ROCK1: variants seen among roughly 807,000 people sequenced by gnomAD.
ROCK1 encodes rho-associated protein kinase 1.
A neutral mutation model predicts 196.8 loss-of-function variants in ROCK1; 36 were observed. The observed-to-expected ratio is 0.18, with a 90% CI of 0.14 to 0.24. The LOEUF (loss-of-function observed/expected upper bound fraction) is 0.24. Among genes scored for constraint, ROCK1 ranks in the 10% least tolerant of loss-of-function variants. ROCK1 has a pLI of 1.00. For synonymous variants in ROCK1, 443 were observed against 515.9 expected, an observed-to-expected ratio of 0.86 and a Z score of 1.91; for missense variants, 920 against 1,562.0, an observed-to-expected ratio of 0.59 and a Z score of 6.93.
At chr18:21,035,301 G>A (rs939625354) in intron 9 of ROCK1, among the ~76,000 whole-genome samples, 3 of 152,168 alleles carry the variant, frequency 2.0e-5, no homozygotes, top group Non-Finnish European at 4.4e-5. Flanking sequence ...CCAGCACTTT[G>A]GTGCACTGCT....
chr18:20,951,820 T>G (rs542322215), intron 32 of ROCK1, among the ~76,000 whole-genome samples: 87 of 150,340 alleles, frequency 5.8e-4, no homozygotes, highest in Non-Finnish European at 1.1e-3. Context: ...TTGGAAGATG[T>G]AGGTGACATT....
rs1286047222 is a variant in ROCK1, at chr18:21,075,951, C to CA, written c.94-5339dup. ...CTGGTGACAGAGCAAGACTCTGTCT[C>CA]AAAAAAAAAAAAAAAGGAAAGAAAA... On this transcript the variant is annotated intron_variant, in intron 1 of 32. Coordinates refer to ENST00000399799, the MANE Select transcript of ROCK1 (RefSeq NM_005406.3). Among the ~76,000 whole-genome samples, 644 of 64,602 alleles carry CA rather than the reference C, an allele frequency of 1.0e-2. 7 individuals carry two copies. The highest frequency in any genetic ancestry group is 0.017 in the African/African-American group (303 of 17,742). The allele number at this position is 64,602 out of a possible 152,430, so 42.4% of individuals were successfully genotyped here.
intron 1 of ROCK1, among the ~76,000 whole-genome samples, chr18:21,071,312 G>T (rs1199233201): frequency 6.6e-6 from 1 of 151,684 alleles, no homozygotes; most frequent in African/African-American, 2.4e-5. Context: ...TTGAGTAGCG[G>T]GGACTACAGG....
At chr18:21,040,013 C>T (rs1468969459) in intron 8 of ROCK1, among the ~76,000 whole-genome samples, 3 of 152,212 alleles carry the variant, frequency 2.0e-5, no homozygotes, top group South Asian at 4.1e-4. Flanking sequence ...GCTGAGATTG[C>T]GCCACCGCAC....
intron 1 of ROCK1, among the ~76,000 whole-genome samples, chr18:21,086,111 ATTT>A (rs34919797): frequency 1.9e-4 from 21 of 111,112 alleles, no homozygotes; most frequent in African/African-American, 1.7e-4. Flanking sequence ...TATGGAAATA[ATTT>A]TTTTTTTTTT....
intron 22 of ROCK1, among the ~76,000 whole-genome samples, chr18:20,970,750 A>C (rs2035418259): frequency 6.6e-6 from 1 of 152,244 alleles, no homozygotes; most frequent in Non-Finnish European, 1.5e-5. Flanking sequence ...TAACTAAAAA[A>C]GGTCATAAAG....
intron 1 of ROCK1, among the ~76,000 whole-genome samples, chr18:21,105,419 A>G (rs2036694971): frequency 6.6e-6 from 1 of 152,234 alleles, no homozygotes; most frequent in Admixed American, 6.5e-5. Context: ...CTCACAAACT[A>G]GGAACACTGG....
chr18:21,005,026 T>C (rs1456544248), intron 16 of ROCK1, among the ~76,000 whole-genome samples: 11 of 152,192 alleles, frequency 7.2e-5, no homozygotes, highest in Admixed American at 6.5e-4. Flanking sequence ...TTCCCATCTC[T>C]AACTAAGGTT....
At chr18:21,074,736 G>GA (rs915741702) in intron 1 of ROCK1, among the ~76,000 whole-genome samples, 5 of 151,852 alleles carry the variant, frequency 3.3e-5, no homozygotes, top group East Asian at 1.9e-4. Flanking sequence ...CAGGAAAGCA[G>GA]AAAAAAAATA....
chr18:20,995,507 C>G (rs1423593752), intron 16 of ROCK1, among the ~76,000 whole-genome samples: 1 of 152,112 alleles, frequency 6.6e-6, no homozygotes, highest in East Asian at 1.9e-4. Flanking sequence ...AATTCCAGGT[C>G]CTGGTTCTTG....
intron 1 of ROCK1, among the ~76,000 whole-genome samples, chr18:21,103,133 A>G (rs1383967499): frequency 6.6e-6 from 1 of 152,206 alleles, no homozygotes; most frequent in Admixed American, 6.5e-5. Flanking sequence ...CAAGTATACT[A>G]GAGAAGAAAA....
intron 2 of ROCK1, among the ~76,000 whole-genome samples, chr18:21,050,513 GGATA>G (rs1205532227): frequency 6.6e-6 from 1 of 152,016 alleles, no homozygotes; most frequent in Admixed American, 6.6e-5. Flanking sequence ...AATCCCCACT[GGATA>G]GATATTCTAA....
chr18:20,974,292 T>G (rs936492042), intron 22 of ROCK1, among the ~76,000 whole-genome samples: 1 of 151,984 alleles, frequency 6.6e-6, no homozygotes, highest in African/African-American at 2.4e-5. Context: ...CTTAGGAGAG[T>G]AGTAGAGTTA....
chr18:21,069,576 TAAA>T (rs34360889), intron 2 of ROCK1, among the ~76,000 whole-genome samples: 20 of 151,822 alleles, frequency 1.3e-4, no homozygotes, highest in Non-Finnish European at 2.4e-4. Flanking sequence ...GCCATTACTT[TAAA>T]AAAAACCATG....
chr18:21,066,554 C>T (rs1228474101), intron 2 of ROCK1, among the ~76,000 whole-genome samples: 1 of 152,136 alleles, frequency 6.6e-6, no homozygotes, highest in Non-Finnish European at 1.5e-5. Context: ...ATGTAATCAT[C>T]ACCACAAAGA....
intron 5 of ROCK1, among the ~76,000 whole-genome samples, chr18:21,044,521 C>T (rs966833139): frequency 6.6e-6 from 1 of 152,070 alleles, no homozygotes; most frequent in Admixed American, 6.5e-5. Context: ...CATAAAAAAA[C>T]CCCACGGCAG....
chr18:21,006,622 T>C (rs113427341), intron 15 of ROCK1, 25 bp from the exon 16 acceptor site: 14 of 1,603,022 alleles, frequency 8.7e-6, no homozygotes, highest in Non-Finnish European at 1.2e-5. Context: ...AGCAAAAAAA[T>C]AGGTTTCTGA....
At chr18:21,091,879 AG>A (rs1380060343) in intron 1 of ROCK1, among the ~76,000 whole-genome samples, 4 of 150,652 alleles carry the variant, frequency 2.7e-5, no homozygotes, top group African/African-American at 4.9e-5. Context: ...CTGAAGCCCA[AG>A]GATCAGTTGA....
Position 20,968,821 on chromosome 18 carries a change from T to G in ROCK1, c.2954A>C (p.Lys985Thr). The G allele has an allele frequency of 6.2e-7, 1 of 1,609,294 alleles. No homozygotes were observed. The change falls in exon 25 of 33, where the codon AAG (lysine) becomes ACG (threonine). Residue 985 changes from lysine (K) to threonine (T), a missense_variant. Lys to Thr is a moderately conservative substitution (Grantham distance 78). This residue lies in a region of ROCK1 where 520 missense variants were observed against 657.1 expected (regional missense o/e 0.79). Transcript: ENST00000399799. ...LEKEEEISNLKAAFEKNINTE... is the reference protein window; with the variant it reads ...LEKEEEISNLTAAFEKNINTE... ...GTTGATATTCTTTTCAAAGGCAGCCTTAAGATTACTGATCTCCTCCTCCTT... is the reference window on the plus strand; with the variant it reads ...GTTGATATTCTTTTCAAAGGCAGCCGTAAGATTACTGATCTCCTCCTCCTT...
Sources: allele counts gnomAD v4.1 joint callset (sites outside exome capture counted in the v4.1 genomes callset), GRCh38; gene constraint gnomAD v4.1.1; regional missense constraint gnomAD v4.1.1; transcripts MANE v1.5; gene names NCBI Gene and HGNC (gene_info 2026-07-23, HGNC 2026-07-21).